The following JMJD1C variants were observed in gnomAD, a reference collection of about 807,000 sequenced individuals.
The protein encoded by JMJD1C is jumonji domain containing 1C.
A neutral mutation model predicts 245.3 loss-of-function variants in JMJD1C; 31 were observed. That is an observed-to-expected ratio of 0.13 (90% confidence interval 0.09 to 0.17). JMJD1C has a LOEUF of 0.17. Ranked by LOEUF, JMJD1C falls within the 10% of genes least tolerant of loss-of-function variation. JMJD1C has a pLI of 1.00. For synonymous variants in JMJD1C, 1,057 were observed against 1,017.4 expected (o/e 1.04, Z -0.74); for missense variants, 2,691 against 3,000.2 (o/e 0.90, Z 2.41).
At chr10:63,327,772 G>A (rs969906640) in intron 2 of JMJD1C, among the ~76,000 whole-genome samples, 4 of 151,864 alleles carry the variant, frequency 2.6e-5, no homozygotes, top group Admixed American at 6.6e-5. Context: ...AGATTCAAGC[G>A]ATTCTCCTGC....
intron 1 of JMJD1C, among the ~76,000 whole-genome samples, chr10:63,407,734 A>G (rs893240317): frequency 3.9e-5 from 6 of 152,024 alleles, no homozygotes; most frequent in African/African-American, 1.4e-4. Context: ...TAAAAAAAAA[A>G]AGAATATTCT....
intron 2 of JMJD1C, among the ~76,000 whole-genome samples, chr10:63,295,348 C>T (rs1342429671): frequency 1.3e-5 from 2 of 151,650 alleles, no homozygotes; most frequent in Non-Finnish European, 2.9e-5. Context: ...CCTCAGCCTC[C>T]TAAAGTGCTC....
At chr10:63,501,809 T>C (rs1329755059) in intron 1 of JMJD1C, among the ~76,000 whole-genome samples, 1 of 151,912 alleles carries the variant, frequency 6.6e-6, no homozygotes, top group Non-Finnish European at 1.5e-5. Flanking sequence ...AAAAAAAGAA[T>C]ACTACTACTA....
intron 18 of JMJD1C, 74 bp from the exon 19 acceptor site, chr10:63,186,457 G>C (rs1007544573): frequency 8.0e-7 from 1 of 1,253,228 alleles, no homozygotes; most frequent in Non-Finnish European, 1.1e-6. Flanking sequence ...TTGTTTGTTT[G>C]AGACAGAGTC....
intron 3 of JMJD1C, among the ~76,000 whole-genome samples, chr10:63,240,344 T>C (rs2133493369): frequency 1.3e-5 from 2 of 152,086 alleles, no homozygotes; most frequent in South Asian, 4.2e-4. Flanking sequence ...CAAAGACTGA[T>C]TAAAAAAATA....
At chr10:63,407,638 A>T (rs1286066532) in intron 1 of JMJD1C, among the ~76,000 whole-genome samples, 1 of 152,160 alleles carries the variant, frequency 6.6e-6, no homozygotes, top group Admixed American at 6.5e-5. Context: ...TTTGAAGAAA[A>T]CATTAGACAT....
At chr10:63,469,395 C>G (rs1953418953), upstream of JMJD1C, among the ~76,000 whole-genome samples, 1 of 152,102 alleles carries the variant, frequency 6.6e-6, no homozygotes, top group African/African-American at 2.4e-5. Context: ...TTTTCAAAAC[C>G]AGATCTTGTG....
intron 4 of JMJD1C, among the ~76,000 whole-genome samples, chr10:63,219,351 T>C (rs768986365): frequency 6.6e-5 from 10 of 152,196 alleles, no homozygotes; most frequent in Non-Finnish European, 1.2e-4. Context: ...TCCAAAAAGC[T>C]TGTATTTACA....
intron 2 of JMJD1C, among the ~76,000 whole-genome samples, chr10:63,310,245 A>G (rs991850916): frequency 1.1e-4 from 17 of 152,364 alleles, no homozygotes; most frequent in African/African-American, 4.1e-4. Context: ...TATAAATTCA[A>G]TGCCATTCCA....
At chr10:63,425,094 A>G (rs1384711060) in intron 1 of JMJD1C, among the ~76,000 whole-genome samples, 1 of 152,202 alleles carries the variant, frequency 6.6e-6, no homozygotes, top group Non-Finnish European at 1.5e-5. Flanking sequence ...GCTATTTCTA[A>G]TTTTAGAAAT....
At chr10:63,374,159 C>T (rs747997177) in intron 2 of JMJD1C, among the ~76,000 whole-genome samples, 7 of 152,060 alleles carry the variant, frequency 4.6e-5, no homozygotes, top group Non-Finnish European at 1.0e-4. Context: ...GTTATAATAT[C>T]TGTAATAATA....
chr10:63,414,397 A>G (rs986721244), intron 1 of JMJD1C, among the ~76,000 whole-genome samples: 2 of 152,082 alleles, frequency 1.3e-5, no homozygotes, highest in Non-Finnish European at 2.9e-5. Context: ...TCTGTGTATT[A>G]TATATTCTCA....
intron 21 of JMJD1C, among the ~76,000 whole-genome samples, chr10:63,183,991 G>A (rs1194604457): frequency 6.6e-6 from 1 of 151,140 alleles, no homozygotes; most frequent in Non-Finnish European, 1.5e-5. Flanking sequence ...GCAGTGGCAT[G>A]ATCTCGACTC....
intron 2 of JMJD1C, among the ~76,000 whole-genome samples, chr10:63,312,565 C>A (rs570869108): frequency 7.9e-5 from 12 of 152,242 alleles, no homozygotes; most frequent in African/African-American, 2.9e-4. Flanking sequence ...AAAATAATTT[C>A]TTTCTTACAA....
chr10:63,477,191 C>T (rs1953689299), intron 1 of JMJD1C, among the ~76,000 whole-genome samples: 1 of 151,858 alleles, frequency 6.6e-6, no homozygotes, highest in East Asian at 1.9e-4. Flanking sequence ...TAAAGCAATC[C>T]CAATCAAAAT....
chr10:63,337,460 G>T (rs1942861199), intron 2 of JMJD1C, among the ~76,000 whole-genome samples: 1 of 76,716 alleles, frequency 1.3e-5, no homozygotes, highest in Non-Finnish European at 2.6e-5. Context: ...AGAAGGCGGG[G>T]GGGGGGGAGG....
chr10:63,168,345 T>C (rs1842039664), intron 25 of JMJD1C, 90 bp downstream of exon 25: 1 of 1,338,282 alleles, frequency 7.5e-7, no homozygotes, highest in Non-Finnish European at 1.0e-6. Context: ...TGTGACCAAC[T>C]AGGCAATGAC....
At chr10:63,261,273 A>G (rs1029688461) in intron 3 of JMJD1C, among the ~76,000 whole-genome samples, 4 of 152,182 alleles carry the variant, frequency 2.6e-5, no homozygotes, top group South Asian at 4.1e-4. Flanking sequence ...ATACCCAACT[A>G]AACGTCACCC....
At chr10:63,499,322 T>C (rs1954467415) in intron 1 of JMJD1C, among the ~76,000 whole-genome samples, 1 of 152,234 alleles carries the variant, frequency 6.6e-6, no homozygotes, top group Admixed American at 6.5e-5. Flanking sequence ...TGCACCATTT[T>C]GCATTCCCAA....
Sources: allele counts gnomAD v4.1 joint callset (sites outside exome capture counted in the v4.1 genomes callset), GRCh38; gene constraint gnomAD v4.1.1; transcripts MANE v1.5; gene names NCBI Gene and HGNC (gene_info 2026-07-23, HGNC 2026-07-21).